Variants in WWOX observed in about 807,000 individuals in gnomAD.
WWOX encodes the protein WW domain containing oxidoreductase.
Under a neutral mutation model 46.2 loss-of-function variants are expected in WWOX, and 69 were observed. That is an observed-to-expected ratio of 1.49 (90% CI 1.23 to 1.82). WWOX has a LOEUF of 1.82. WWOX is among the 40% of genes most tolerant of loss of function. WWOX has a pLI of 0.00. For synonymous variants in WWOX, 359 were observed against 202.6 expected (o/e 1.77, Z -6.56); for missense variants, 919 against 542.6 (o/e 1.69, Z -6.89).
chr16:79,015,569 A>C (rs1270658545), intron 8 of WWOX, among the ~76,000 whole-genome samples: 1 of 151,922 alleles, frequency 6.6e-6, no homozygotes, highest in Non-Finnish European at 1.5e-5. Context: ...TCCTGGTTCA[A>C]CTCATGAGGA....
chr16:78,755,068 G>A (rs2049606093), intron 8 of WWOX, among the ~76,000 whole-genome samples: 1 of 151,738 alleles, frequency 6.6e-6, no homozygotes, highest in Non-Finnish European at 1.5e-5. Context: ...GGAAAGGGGA[G>A]GGAGAGCATT....
chr16:78,359,765 T>G (rs1290821085), intron 5 of WWOX, among the ~76,000 whole-genome samples: 2 of 152,222 alleles, frequency 1.3e-5, no homozygotes, highest in African/African-American at 4.8e-5. Context: ...GAGAAGCTCA[T>G]AATTCGGTGT....
At chr16:78,482,735 T>G (rs568021202) in intron 8 of WWOX, among the ~76,000 whole-genome samples, 12 of 152,154 alleles carry the variant, frequency 7.9e-5, no homozygotes, top group African/African-American at 2.7e-4. Flanking sequence ...AGAGCACTTA[T>G]TGGCGCTAAG....
chr16:78,681,662 C>A (rs1296334055), intron 8 of WWOX, among the ~76,000 whole-genome samples: 1 of 152,152 alleles, frequency 6.6e-6, no homozygotes, highest in Non-Finnish European at 1.5e-5. Context: ...TCAGGGGAAT[C>A]CTGAATTACA....
At chr16:78,764,872 C>T (rs910898808) in intron 8 of WWOX, among the ~76,000 whole-genome samples, 1 of 152,050 alleles carries the variant, frequency 6.6e-6, no homozygotes, top group Non-Finnish European at 1.5e-5. Context: ...ATGGATATAA[C>T]ACTTGTTCTT....
intron 6 of WWOX, among the ~76,000 whole-genome samples, chr16:78,413,661 C>T (rs923441709): frequency 9.9e-5 from 15 of 151,700 alleles, no homozygotes; most frequent in African/African-American, 3.4e-4. Flanking sequence ...ACGAGCAGGT[C>T]ACTGGGGATA....
chr16:78,326,345 A>G (rs559966802), intron 5 of WWOX, among the ~76,000 whole-genome samples: 2 of 152,306 alleles, frequency 1.3e-5, no homozygotes, highest in Admixed American at 6.5e-5. Flanking sequence ...TGATATGCCA[A>G]TTTGGCATAT....
chr16:79,075,150 T>C (rs972154942), intron 8 of WWOX, among the ~76,000 whole-genome samples: 2 of 152,192 alleles, frequency 1.3e-5, no homozygotes, highest in African/African-American at 4.8e-5. Context: ...TACAACCAAC[T>C]GAATTAGAAT....
rs763408184 is a variant in WWOX, at chr16:78,343,503, G to C, written c.517-43357G>C. The stretch of plus-strand genomic sequence containing the variant: ...TTCCTCGCCTCTCATCATGTAAGGT[G>C]ATGCTCTGAGCTGGGTCTTAAAGCT... On this transcript the variant is annotated intron_variant, in intron 5 of 8. Transcript: ENST00000566780. 2.5e-5 allele frequency among the ~76,000 whole-genome samples: 3 copies of C among 120,868 alleles called. 1 individual carries two copies. Among genetic ancestry groups the C allele is most frequent in the Non-Finnish European group, 5.9e-5 (3 of 50,680 alleles). The allele number at this position is 120,868 out of a possible 152,430, so 79.3% of individuals were successfully genotyped here. A position where few individuals can be genotyped will look rare whatever the true frequency, so the allele number is the denominator to read the frequency against.
intron 8 of WWOX, among the ~76,000 whole-genome samples, chr16:78,611,970 G>A (rs1286454953): frequency 6.6e-6 from 1 of 152,222 alleles, no homozygotes; most frequent in African/African-American, 2.4e-5. Context: ...CAGCCATACA[G>A]CCTAGCCCAC....
chr16:79,186,963 A>T (rs1332991802), intron 8 of WWOX, among the ~76,000 whole-genome samples: 1 of 152,188 alleles, frequency 6.6e-6, no homozygotes, highest in Non-Finnish European at 1.5e-5. Flanking sequence ...GTGTCACTAT[A>T]TCATAATATG....
At chr16:78,780,865 A>T (rs1833300749) in intron 8 of WWOX, among the ~76,000 whole-genome samples, 1 of 152,186 alleles carries the variant, frequency 6.6e-6, no homozygotes, top group Admixed American at 6.5e-5. Flanking sequence ...AAGGGCATTA[A>T]GCAGGGCAGT....
chr16:78,527,053 A>G (rs78670686), intron 8 of WWOX, among the ~76,000 whole-genome samples: 3,031 of 152,268 alleles, frequency 0.02, 82 homozygotes, highest in African/African-American at 0.057. Flanking sequence ...AATCCCTGCT[A>G]CACAGGAAGC....
chr16:78,265,532 G>A (rs1368833871), intron 5 of WWOX, among the ~76,000 whole-genome samples: 2 of 151,946 alleles, frequency 1.3e-5, no homozygotes, highest in Non-Finnish European at 2.9e-5. Context: ...TACAAAATTA[G>A]CCGGGCATGG....
At chr16:78,774,559 C>G (rs1363716504) in intron 8 of WWOX, among the ~76,000 whole-genome samples, 2 of 150,964 alleles carry the variant, frequency 1.3e-5, no homozygotes, top group South Asian at 4.2e-4. Context: ...TGAGCCTGTA[C>G]GTGTCCCCCT....
At chr16:78,712,716 TTA>T (rs1301475875) in intron 8 of WWOX, among the ~76,000 whole-genome samples, 1 of 152,044 alleles carries the variant, frequency 6.6e-6, no homozygotes, top group African/African-American at 2.4e-5. Context: ...TTAATTGAGT[TTA>T]TGTTAGAGAT....
At chr16:79,162,668 C>G (rs1055258130) in intron 8 of WWOX, among the ~76,000 whole-genome samples, 1 of 152,188 alleles carries the variant, frequency 6.6e-6, no homozygotes, top group Non-Finnish European at 1.5e-5. Flanking sequence ...CTTATGCTCT[C>G]AACAGATCAT....
In WWOX at chr16:78,813,146, A is replaced by G. The variant is rs193062351; in HGVS notation, c.1056+380394A>G. Among the ~76,000 whole-genome samples, 71 of 151,180 alleles carry G rather than the reference A, an allele frequency of 4.7e-4. 1 individual carries two copies. The highest frequency in any genetic ancestry group is 7.7e-4 in the Non-Finnish European group (52 of 67,836). Reference sequence around the variant, plus strand: ...TATAAGTGGTTGATTGTTTTTTAGGAAAAAAAAATTCAGCATCTCAAATGT... The same window carrying G: ...TATAAGTGGTTGATTGTTTTTTAGGGAAAAAAAATTCAGCATCTCAAATGT... On this transcript the variant is annotated intron_variant, in intron 8 of 8. Transcript: ENST00000566780.
chr16:78,708,259 A>T (rs1395188311), intron 8 of WWOX, among the ~76,000 whole-genome samples: 2 of 152,206 alleles, frequency 1.3e-5, no homozygotes, highest in South Asian at 2.1e-4. Context: ...CATATTTTTT[A>T]AAAATGTATC....
Sources: allele counts gnomAD v4.1 joint callset (sites outside exome capture counted in the v4.1 genomes callset), GRCh38; gene constraint gnomAD v4.1.1; transcripts MANE v1.5; gene names NCBI Gene and HGNC (gene_info 2026-07-23, HGNC 2026-07-21).